IL1RAPL2: variants seen among roughly 807,000 people sequenced by gnomAD.
The protein encoded by IL1RAPL2 is X-linked interleukin-1 receptor accessory protein-like 2.
In IL1RAPL2, 3 loss-of-function variants were observed where a neutral mutation model predicts 44.1. The ratio of observed to expected loss-of-function variants is 0.07; its 90% CI spans 0.03 to 0.18. IL1RAPL2 has a LOEUF of 0.18. Ranked by LOEUF, IL1RAPL2 falls within the 10% of genes least tolerant of loss-of-function variation. The pLI is 1.00. For synonymous variants in IL1RAPL2, 181 were observed against 178.8 expected (o/e 1.01, Z -0.10); for missense variants, 391 against 496.4 (o/e 0.79, Z 2.02).
At chrX:104,644,554 TC>T (rs1929997619) in intron 1 of IL1RAPL2, among the ~76,000 whole-genome samples, 1 of 111,238 alleles carries the variant, frequency 9.0e-6, no homozygotes, top group Admixed American at 9.6e-5. Context: ...CTTTTTTTAA[TC>T]TGTTTTTTTT....
intron 2 of IL1RAPL2, among the ~76,000 whole-genome samples, chrX:104,702,591 TGAAAA>T (rs947071157): frequency 8.9e-6 from 1 of 112,277 alleles, no homozygotes; most frequent in African/African-American, 3.2e-5. Flanking sequence ...ATTAATTTCT[TGAAAA>T]GAATATATGG....
At chrX:104,815,473 CAT>C (rs1251007836) in intron 2 of IL1RAPL2, among the ~76,000 whole-genome samples, 1 of 111,362 alleles carries the variant, frequency 9.0e-6, no homozygotes, top group Non-Finnish European at 1.9e-5. Context: ...ATGTAGATGA[CAT>C]AGGAGATACA....
At chrX:104,780,668 G>T (rs989475607) in intron 2 of IL1RAPL2, among the ~76,000 whole-genome samples, 1 of 111,635 alleles carries the variant, frequency 9.0e-6, no homozygotes, top group Non-Finnish European at 1.9e-5. Flanking sequence ...TAGCCAATTC[G>T]ATCCAAGCTG....
At chrX:105,736,300 A>T (rs908613650) in intron 7 of IL1RAPL2, among the ~76,000 whole-genome samples, 1 of 111,064 alleles carries the variant, frequency 9.0e-6, no homozygotes, top group Non-Finnish European at 1.9e-5. Flanking sequence ...CATTATAGAC[A>T]TAGAATCTGG....
chrX:105,678,487 C>T (rs1482163265), intron 6 of IL1RAPL2, among the ~76,000 whole-genome samples: 1 of 109,645 alleles, frequency 9.1e-6, no homozygotes, highest in Non-Finnish European at 1.9e-5. Flanking sequence ...CATCCCCATC[C>T]CCCCCAACCC....
intron 2 of IL1RAPL2, among the ~76,000 whole-genome samples, chrX:105,072,828 C>A (rs1422003908): frequency 9.1e-6 from 1 of 109,343 alleles, no homozygotes; most frequent in East Asian, 2.9e-4. Flanking sequence ...TGTGATGTTC[C>A]CATCTCTGAA....
intron 6 of IL1RAPL2, among the ~76,000 whole-genome samples, chrX:105,644,116 C>T (rs934867981): frequency 9.0e-6 from 1 of 111,384 alleles, no homozygotes; most frequent in Non-Finnish European, 1.9e-5. Context: ...TGGTCTCGAT[C>T]TCCTGACCTT....
intron 2 of IL1RAPL2, among the ~76,000 whole-genome samples, chrX:104,883,240 C>T (rs540707566): frequency 1.8e-5 from 2 of 111,227 alleles, no homozygotes; most frequent in Non-Finnish European, 3.8e-5. Flanking sequence ...CCTTAGAATT[C>T]GGGAGCTAAA....
In IL1RAPL2 at chrX:104,726,040, C is replaced by T. The variant is rs753440255; in HGVS notation, c.82+67045C>T. ...TAGGTCTTAGGTTTAAGTCTTTAAT[C>T]CATCTTGAGTGAATTTTTGTAAAAG... On this transcript the variant is annotated intron_variant, in intron 2 of 10. Transcript: ENST00000372582. Among the ~76,000 whole-genome samples, 5 of 111,687 alleles carry T rather than the reference C, an allele frequency of 4.5e-5. No homozygotes were observed. In the South Asian group the frequency reaches 1.9e-3, roughly 42 times the overall value.
chrX:105,225,458 C>A (rs1204920021), intron 3 of IL1RAPL2, among the ~76,000 whole-genome samples: 3 of 110,822 alleles, frequency 2.7e-5, no homozygotes, highest in African/African-American at 9.8e-5. Context: ...CGGTAGATAG[C>A]ATGATAATAG....
intron 2 of IL1RAPL2, among the ~76,000 whole-genome samples, chrX:105,095,530 G>A (rs1249067801): frequency 8.9e-6 from 1 of 111,835 alleles, no homozygotes; most frequent in Non-Finnish European, 1.9e-5. Context: ...AATTGAGAGT[G>A]CAGAAATAAA....
At chrX:104,618,738 C>A (rs1288872202) in intron 1 of IL1RAPL2, among the ~76,000 whole-genome samples, 1 of 111,376 alleles carries the variant, frequency 9.0e-6, no homozygotes, top group Non-Finnish European at 1.9e-5. Flanking sequence ...TGTGGTGACT[C>A]AGGCTGCTGA....
At position 105,020,108 on chromosome X, in the gene IL1RAPL2, G is replaced by C. The variant is rs140211352; in HGVS notation, c.83-175367G>C. ...TCTGCCTCAGCCTCCTGAGCAGCTA[G>C]AACTGCAGGTGTGTGCCACTACAGC... On this transcript the variant is annotated intron_variant, in intron 2 of 10. Coordinates refer to ENST00000372582, the MANE Select transcript of IL1RAPL2 (RefSeq NM_017416.2). Among the ~76,000 whole-genome samples, 928 of 110,937 alleles carry C rather than the reference G, an allele frequency of 8.4e-3. 18 individuals carry two copies. Among genetic ancestry groups the C allele is most frequent in the African/African-American group, 0.028 (869 of 30,560 alleles).
intron 2 of IL1RAPL2, among the ~76,000 whole-genome samples, chrX:105,182,111 G>A (rs947665249): frequency 9.1e-6 from 1 of 110,069 alleles, no homozygotes; most frequent in Non-Finnish European, 1.9e-5. Flanking sequence ...TATTCTGCAG[G>A]TGTTAGATAA....
chrX:105,539,322 C>A (rs926100930), intron 6 of IL1RAPL2, among the ~76,000 whole-genome samples: 23 of 111,124 alleles, frequency 2.1e-4, no homozygotes, highest in Non-Finnish European at 4.2e-4. Context: ...GGTATAGGTA[C>A]AAAAACAGAC....
chrX:105,753,476 G>A (rs1462118615), intron 9 of IL1RAPL2, among the ~76,000 whole-genome samples: 1 of 111,384 alleles, frequency 9.0e-6, no homozygotes, highest in Non-Finnish European at 1.9e-5. Flanking sequence ...TTCCAGCTGT[G>A]TATCATCGGC....
intron 5 of IL1RAPL2, among the ~76,000 whole-genome samples, chrX:105,419,550 A>G (rs982184008): frequency 1.9e-4 from 21 of 112,209 alleles, no homozygotes; most frequent in African/African-American, 6.8e-4. Flanking sequence ...ATAGACTTGC[A>G]TGCTACTATA....
intron 2 of IL1RAPL2, among the ~76,000 whole-genome samples, chrX:105,135,648 G>A (rs769590384): frequency 2.7e-5 from 3 of 111,600 alleles, no homozygotes; most frequent in Non-Finnish European, 3.8e-5. Flanking sequence ...ACAGTGATGG[G>A]CACATAAATG....
Position 104,926,108 on chromosome X carries a change from T to C in IL1RAPL2, c.82+267113T>C, listed in dbSNP as rs763700707. 1.5e-3 allele frequency among the ~76,000 whole-genome samples: 171 copies of C among 112,002 alleles called. 2 individuals are homozygous for C. The highest frequency in any genetic ancestry group is 5.4e-3 in the African/African-American group (168 of 30,912). On this transcript the variant is annotated intron_variant, in intron 2 of 10. Transcript: ENST00000372582. ...GAAAACAAATGAGCAACAAATATTT[T>C]CTGGCAGTGTACTTAGCTCCATCAA...
Sources: allele counts gnomAD v4.1 joint callset (sites outside exome capture counted in the v4.1 genomes callset), GRCh38; gene constraint gnomAD v4.1.1; transcripts MANE v1.5; gene names NCBI Gene and HGNC (gene_info 2026-07-23, HGNC 2026-07-21).